The following SYT9 variants were observed in gnomAD, a reference collection of about 807,000 sequenced individuals.
SYT9 encodes the protein synaptotagmin 9.
SYT9 carries 22 observed loss-of-function variants against 48.4 expected under a neutral mutation model. The observed-to-expected ratio is 0.45, with a 90% CI of 0.32 to 0.65. The LOEUF is 0.65. SYT9 is among the 30% of genes least tolerant of loss of function. The pLI is 0.03. For synonymous variants in SYT9, 265 were observed against 245.0 expected, an observed-to-expected ratio of 1.08 and a Z score of -0.76; for missense variants, 577 against 622.0, an observed-to-expected ratio of 0.93 and a Z score of 0.77.
rs548027370 is a variant in SYT9 at position 7,389,466 on chromosome 11, A to G, written c.1045-26576A>G. The stretch of plus-strand genomic sequence containing the variant: ...AAAAACATAAGATGCTACCCCCATT[A>G]TCTCTTGAGAACTCCCCCATAAAAT... On this transcript the variant is annotated intron_variant, in intron 3 of 6. Coordinates refer to ENST00000318881, the MANE Select transcript of SYT9 (RefSeq NM_175733.4). 5.9e-5 allele frequency among the ~76,000 whole-genome samples: 9 copies of G among 152,252 alleles called. No individual in the cohort carries two copies. The South Asian group carries it at 1.7e-3, about 28-fold the overall frequency.
chr11:7,274,269 C>T (rs942169033), intron 1 of SYT9, among the ~76,000 whole-genome samples: 3 of 149,848 alleles, frequency 2.0e-5, no homozygotes, highest in Non-Finnish European at 3.0e-5. Context: ...CTGTAATACA[C>T]ATCAGTCATG....
intron 1 of SYT9, among the ~76,000 whole-genome samples, chr11:7,263,687 A>G (rs533395236): frequency 7.2e-5 from 11 of 152,308 alleles, no homozygotes; most frequent in African/African-American, 2.4e-4. Flanking sequence ...TGATAGGTCA[A>G]GTAAGATGAC....
intron 1 of SYT9, among the ~76,000 whole-genome samples, chr11:7,239,079 G>C (rs1847714081): frequency 6.6e-6 from 1 of 152,074 alleles, no homozygotes; most frequent in South Asian, 2.1e-4. Context: ...ATTTACTCCA[G>C]GATATTCTTT....
intron 3 of SYT9, among the ~76,000 whole-genome samples, chr11:7,410,890 T>C (rs188783485): frequency 6.6e-6 from 1 of 152,348 alleles, no homozygotes; most frequent in East Asian, 1.9e-4. Flanking sequence ...GTTTTGCTCT[T>C]GTCACCCAGG....
chr11:7,369,855 T>A (rs1427022810), intron 3 of SYT9, among the ~76,000 whole-genome samples: 3 of 150,994 alleles, frequency 2.0e-5, no homozygotes, highest in South Asian at 2.1e-4. Flanking sequence ...ACATAAATTT[T>A]AAAAATTTGC....
intron 1 of SYT9, among the ~76,000 whole-genome samples, chr11:7,281,681 G>A (rs1848494966): frequency 6.6e-6 from 1 of 152,168 alleles, no homozygotes; most frequent in Non-Finnish European, 1.5e-5. Context: ...CTGCCACATA[G>A]AAAGATATGA....
chr11:7,391,395 C>A (rs1329403886), intron 3 of SYT9, among the ~76,000 whole-genome samples: 1 of 152,122 alleles, frequency 6.6e-6, no homozygotes, highest in African/African-American at 2.4e-5. Flanking sequence ...GCTTTCTACA[C>A]TGGCTGAACT....
chr11:7,347,461 C>G (rs1429249453), intron 3 of SYT9, among the ~76,000 whole-genome samples: 1 of 152,120 alleles, frequency 6.6e-6, no homozygotes, highest in African/African-American at 2.4e-5. Context: ...TCTCGAACTC[C>G]TGACCTCAGG....
At chr11:7,422,792 C>A (rs572002583) in intron 6 of SYT9, among the ~76,000 whole-genome samples, 1 of 152,044 alleles carries the variant, frequency 6.6e-6, no homozygotes, top group Non-Finnish European at 1.5e-5. Flanking sequence ...GTGTTGCACA[C>A]GGGTCCCTGA....
Position 7,263,077 on chromosome 11 carries a change from T to C in SYT9, c.145+10746T>C, listed in dbSNP as rs192618858. On this transcript the variant is annotated intron_variant, in intron 1 of 6. Coordinates refer to ENST00000318881, the MANE Select transcript of SYT9 (RefSeq NM_175733.4). Reference sequence around the variant, plus strand: ...TTGGGTACATTTCCCGAAAGTTCAGTGTAGGCATTTAGGCACCAAAGGCAC... The same window carrying C: ...TTGGGTACATTTCCCGAAAGTTCAGCGTAGGCATTTAGGCACCAAAGGCAC... Among the ~76,000 whole-genome samples the C allele has an allele frequency of 1.2e-3, 185 of 152,248 alleles. 2 individuals carry two copies. Among genetic ancestry groups the C allele is most frequent in the Admixed American group, 0.011 (175 of 15,288 alleles).
chr11:7,454,350 G>C (rs4757996), intron 6 of SYT9: 639,588 of 973,804 alleles, frequency 0.66, 211,843 homozygotes, highest in Non-Finnish European at 0.68. Context: ...TGCACTCCAG[G>C]CTTCTCTACA....
chr11:7,418,413 T>C (rs1375085845), intron 5 of SYT9, among the ~76,000 whole-genome samples: 1 of 152,202 alleles, frequency 6.6e-6, no homozygotes, highest in South Asian at 2.1e-4. Context: ...CTTTTCATCT[T>C]TGCACAACTC....
intron 2 of SYT9, 43 bp from the exon 3 acceptor site, chr11:7,313,352 C>A: frequency 6.5e-7 from 1 of 1,546,024 alleles, no homozygotes; most frequent in Non-Finnish European, 8.7e-7. Context: ...AGACCCATAG[C>A]TAATAAGGTT....
At chr11:7,330,256 A>G (rs72855083) in intron 3 of SYT9, among the ~76,000 whole-genome samples, 5,552 of 152,280 alleles carry the variant, frequency 0.036, 148 homozygotes, top group Middle Eastern at 0.088. Flanking sequence ...AATAGCATGG[A>G]TGGATATCAG....
intron 2 of SYT9, among the ~76,000 whole-genome samples, chr11:7,308,692 C>T (rs1183235893): frequency 6.6e-6 from 1 of 152,228 alleles, no homozygotes; most frequent in Non-Finnish European, 1.5e-5. Flanking sequence ...TTCTCCCTCT[C>T]ATCTTCTGGT....
intron 3 of SYT9, among the ~76,000 whole-genome samples, chr11:7,379,403 T>A (rs1850516365): frequency 6.6e-6 from 1 of 152,140 alleles, no homozygotes; most frequent in South Asian, 2.1e-4. Context: ...GGATGCTGAA[T>A]TAAGCATTAT....
chr11:7,405,028 C>T (rs1338645288), intron 3 of SYT9, among the ~76,000 whole-genome samples: 1 of 151,440 alleles, frequency 6.6e-6, no homozygotes, highest in Non-Finnish European at 1.5e-5. Flanking sequence ...TTTTTCTTCC[C>T]CTTGTGCTTT....
intron 1 of SYT9, among the ~76,000 whole-genome samples, chr11:7,253,941 C>T (rs949230225): frequency 1.3e-4 from 20 of 152,184 alleles, no homozygotes; most frequent in African/African-American, 4.1e-4. Context: ...ACCACGAGTT[C>T]TCCTTGTTAT....
At chr11:7,389,917 T>C (rs1467855125) in intron 3 of SYT9, among the ~76,000 whole-genome samples, 1 of 152,182 alleles carries the variant, frequency 6.6e-6, no homozygotes, top group Non-Finnish European at 1.5e-5. Context: ...AAAATGATTC[T>C]GAAATACAAT....
Sources: gnomAD v4.1 joint callset for allele counts (sites outside exome capture counted in the v4.1 genomes callset) on GRCh38, gnomAD v4.1.1 for gene constraint, MANE v1.5 for transcripts, NCBI Gene and HGNC (gene_info 2026-07-23, HGNC 2026-07-21) for gene names.